The following NEDD9 variants were observed in gnomAD, a reference collection of about 807,000 sequenced individuals.
NEDD9 encodes the protein enhancer of filamentation 1.
Under a neutral mutation model 76.6 loss-of-function variants are expected in NEDD9, and 26 were observed. The observed-to-expected ratio is 0.34, with a 90% confidence interval of 0.25 to 0.47. The LOEUF is 0.47. NEDD9 is among the 20% of genes least tolerant of loss of function. The pLI, the probability that NEDD9 is intolerant of heterozygous loss-of-function variation, is 1.00. For missense variants in NEDD9, 937 were observed against 1,058.5 expected (o/e 0.89, Z 1.59); for synonymous variants, 392 against 414.2 (o/e 0.95, Z 0.65).
At chr6:11,251,096 C>T (rs1002219501) in intron 3 of NEDD9, among the ~76,000 whole-genome samples, 1 of 152,120 alleles carries the variant, frequency 6.6e-6, no homozygotes, top group African/African-American at 2.4e-5. Flanking sequence ...GGAAAGAATA[C>T]AAAAATGTTG....
chr6:11,195,545 G>A (rs1010894759), intron 2 of NEDD9, among the ~76,000 whole-genome samples: 6 of 152,034 alleles, frequency 3.9e-5, no homozygotes, highest in Admixed American at 3.9e-4. Flanking sequence ...TTAGAGCGCT[G>A]TCTTGGCTTT....
At chr6:11,214,146 A>G in intron 1 of NEDD9, 1 of 513,298 alleles carries the variant, frequency 1.9e-6, no homozygotes, top group Non-Finnish European at 3.9e-6. Flanking sequence ...TCTATATTGG[A>G]GGTGAAAAGA....
intron 2 of NEDD9, among the ~76,000 whole-genome samples, chr6:11,212,882 C>G (rs1426407978): frequency 6.6e-6 from 1 of 152,192 alleles, no homozygotes; most frequent in Non-Finnish European, 1.5e-5. Context: ...AAGGGAGGAT[C>G]CTTGTTGCAT....
At chr6:11,219,548 T>C (rs1056909104) in intron 1 of NEDD9, among the ~76,000 whole-genome samples, 2 of 152,238 alleles carry the variant, frequency 1.3e-5, no homozygotes, top group African/African-American at 4.8e-5. Context: ...CATGCCTGCA[T>C]GCGCAAATGC....
At chr6:11,257,785 G>C (rs914162444) in intron 3 of NEDD9, among the ~76,000 whole-genome samples, 4 of 151,170 alleles carry the variant, frequency 2.6e-5, no homozygotes, top group African/African-American at 9.7e-5. Context: ...CTGTGTGTGT[G>C]TGTGTGTGTG....
rs1759632805 is a variant in NEDD9 at position 11,237,691 on chromosome 6, C to T, written c.13-23964G>A. Among the ~76,000 whole-genome samples, 1 of 152,128 alleles carries T rather than the reference C, an allele frequency of 6.6e-6. No homozygotes were observed. The highest frequency in any genetic ancestry group is 2.1e-4 in the South Asian group (1 of 4,828). ...AGGGATGTCTTTTGAGCTGTAATGG[C>T]AGACTCTGAGCACATGCCACAGAGA... On this transcript the variant is annotated intron_variant, in intron 3 of 3. Transcript: ENST00000397378. The surrounding 1 kb of genome is among the most constrained non-coding windows in gnomAD (Gnocchi z 4.9).
chr6:11,239,958 C>T (rs888528071), intron 3 of NEDD9, among the ~76,000 whole-genome samples: 5 of 150,000 alleles, frequency 3.3e-5, no homozygotes, highest in African/African-American at 4.9e-5. Context: ...ACAGGAGAAT[C>T]GCTTGAACCC....
chr6:11,334,556 TTC>T (rs1485677255), exon 2 of NEDD9: 1 of 152,260 alleles, frequency 6.6e-6, no homozygotes, highest in African/African-American at 2.4e-5. Flanking sequence ...CCATTATTCA[TTC>T]TCTCTGAAAA....
At chr6:11,225,125 C>G (rs975769016) in intron 1 of NEDD9, among the ~76,000 whole-genome samples, 1 of 152,010 alleles carries the variant, frequency 6.6e-6, no homozygotes, top group Non-Finnish European at 1.5e-5. Context: ...ACCACACATA[C>G]ACACAGTAAA....
At chr6:11,358,998 C>T (rs1000061233) in intron 1 of NEDD9, among the ~76,000 whole-genome samples, 4 of 152,098 alleles carry the variant, frequency 2.6e-5, no homozygotes, top group African/African-American at 9.7e-5. Context: ...GAGTCAGGAA[C>T]AAATATTTTG....
At chr6:11,240,803 G>C (rs1759695595) in intron 3 of NEDD9, among the ~76,000 whole-genome samples, 2 of 152,206 alleles carry the variant, frequency 1.3e-5, no homozygotes, top group East Asian at 3.8e-4. Flanking sequence ...AAGGTGAAGT[G>C]ATAAGAAAAA....
At chr6:11,351,017 C>T (rs1452916358) in intron 1 of NEDD9, among the ~76,000 whole-genome samples, 3 of 152,110 alleles carry the variant, frequency 2.0e-5, no homozygotes, top group South Asian at 2.1e-4. Context: ...AATGATCAAG[C>T]GAATCAGCAT....
In NEDD9 at chr6:11,191,342, C is replaced by T. The variant is rs1017959306; in HGVS notation, c.664-137G>A. The T allele has an allele frequency of 1.3e-5, 11 of 870,580 alleles. No homozygotes were observed. In the Admixed American group the frequency reaches 1.5e-4, roughly 12 times the overall value. The allele number at this position is 870,580 out of a possible 1,614,324, so 53.9% of individuals were successfully genotyped here. ...CCCAATGTTAGGCACTTCCAAGGTT[C>T]CCCGTTATTCTGCTGTCACTTCCCT... On this transcript the variant is annotated intron_variant, in intron 4 of 6. Transcript: ENST00000379446.
intron 2 of NEDD9, among the ~76,000 whole-genome samples, chr6:11,314,082 C>T (rs1018024676): frequency 7.2e-5 from 11 of 152,188 alleles, no homozygotes; most frequent in Non-Finnish European, 1.5e-4. Flanking sequence ...CTTTTAAAGA[C>T]ACCCTTATAA....
intron 1 of NEDD9, among the ~76,000 whole-genome samples, chr6:11,372,070 G>A (rs1234284167): frequency 6.6e-6 from 1 of 152,024 alleles, no homozygotes; most frequent in East Asian, 1.9e-4. Context: ...GCAAATACTA[G>A]GTCTTACTCA....
intron 1 of NEDD9, among the ~76,000 whole-genome samples, chr6:11,335,949 C>T (rs1228335513): frequency 6.8e-6 from 1 of 147,006 alleles, no homozygotes; most frequent in East Asian, 1.9e-4. Flanking sequence ...AGATAAGCTC[C>T]TTCAGAAGCT....
intron 2 of NEDD9, among the ~76,000 whole-genome samples, chr6:11,330,244 G>C (rs143146158): frequency 1.3e-5 from 2 of 152,316 alleles, no homozygotes; most frequent in East Asian, 3.9e-4. Context: ...TTATGACTGA[G>C]AATCCAAAGT....
At chr6:11,317,160 C>T (rs1177021412) in intron 2 of NEDD9, among the ~76,000 whole-genome samples, 2 of 152,134 alleles carry the variant, frequency 1.3e-5, no homozygotes, top group African/African-American at 2.4e-5. Context: ...GGGCCAGGCA[C>T]GGTGACTCAC....
At chr6:11,337,866 T>C (rs2113516488) in intron 1 of NEDD9, among the ~76,000 whole-genome samples, 1 of 152,296 alleles carries the variant, frequency 6.6e-6, no homozygotes, top group East Asian at 1.9e-4. Flanking sequence ...CAGAGGATGG[T>C]AGTGCGTTAA....
Sources: gnomAD v4.1 joint callset for allele counts (sites outside exome capture counted in the v4.1 genomes callset) on GRCh38, gnomAD v4.1.1 for gene constraint, Gnocchi (gnomAD v3.1) non-coding constraint, MANE v1.5 for transcripts, NCBI Gene and HGNC (gene_info 2026-07-23, HGNC 2026-07-21) for gene names.